Variants in NDUFA9 observed in about 807,000 individuals in gnomAD.
NDUFA9 encodes the protein NADH:ubiquinone oxidoreductase subunit A9, also known as NADH dehydrogenase [ubiquinone] 1 alpha subcomplex subunit 9, mitochondrial.
Under a neutral mutation model 45.9 loss-of-function variants are expected in NDUFA9, and 23 were observed. That is an observed-to-expected ratio of 0.50 (90% CI 0.36 to 0.71). NDUFA9 has a LOEUF of 0.71. NDUFA9 is among the 30% of genes least tolerant of loss of function. The probability of loss-of-function intolerance (pLI) is 0.00; values close to 1 mark genes in which losing one functional copy is unlikely to be tolerated. For missense variants in NDUFA9, 466 were observed against 488.2 expected, an observed-to-expected ratio of 0.95 and a Z score of 0.43; for synonymous variants, 176 against 170.5, an observed-to-expected ratio of 1.03 and a Z score of -0.25.
Position 4,662,580 on chromosome 12 carries a change from C to T in NDUFA9, c.600C>T (p.Ile200=), listed in dbSNP as rs771652214. 2.0e-5 allele frequency: 32 copies of T among 1,613,818 alleles called. No homozygotes were observed. The highest frequency in any genetic ancestry group is 3.3e-5 in the South Asian group (3 of 91,070). Residue 200 remains isoleucine (I), a synonymous_variant, in exon 6 of 11, where the codon ATC becomes ATT. Transcript: ENST00000266544. ...GAGATGCATTTCCGGAAGCCATTATCGTAAAGCCGTCGGACATCTTTGGAA... is the reference window on the plus strand; with the variant it reads ...GAGATGCATTTCCGGAAGCCATTATTGTAAAGCCGTCGGACATCTTTGGAA... ...VVRDAFPEAI[I]VKPSDIFGRE...
At chr12:4,656,479 G>T (rs984160996) in intron 3 of NDUFA9, among the ~76,000 whole-genome samples, 1 of 152,214 alleles carries the variant, frequency 6.6e-6, no homozygotes, top group African/African-American at 2.4e-5. Context: ...CTCTGAGCAC[G>T]TTTGGATGAC....
chr12:4,675,863 A>T (rs1945916641), intron 8 of NDUFA9, among the ~76,000 whole-genome samples: 2 of 152,182 alleles, frequency 1.3e-5, no homozygotes, highest in African/African-American at 4.8e-5. Context: ...AAAAAAAGAA[A>T]ATTTCAGGCC....
intron 8 of NDUFA9, among the ~76,000 whole-genome samples, chr12:4,670,244 C>T (rs77027374): frequency 0.011 from 1,702 of 152,148 alleles, 40 homozygotes; most frequent in African/African-American, 0.038. Flanking sequence ...TAGTGCTGTG[C>T]GAGATTGATT....
intron 9 of NDUFA9, among the ~76,000 whole-genome samples, chr12:4,684,397 G>T (rs1945971570): frequency 6.6e-6 from 1 of 152,132 alleles, no homozygotes; most frequent in Non-Finnish European, 1.5e-5. Flanking sequence ...GATACTCAAC[G>T]CATGTACTCC....
chr12:4,666,824 T>C (rs1028599431), intron 6 of NDUFA9, among the ~76,000 whole-genome samples: 1 of 152,342 alleles, frequency 6.6e-6, no homozygotes, highest in African/African-American at 2.4e-5. Context: ...AAAAATTTGT[T>C]CTTTTTCAAG....
At chr12:4,653,687 G>C (rs1945772444) in intron 1 of NDUFA9, 4 of 398,624 alleles carry the variant, frequency 1.0e-5, no homozygotes, top group South Asian at 7.4e-5. Context: ...TAGTAAGTCT[G>C]AACTATTGAA....
At chr12:4,660,611 G>A (rs1945817726) in intron 5 of NDUFA9, among the ~76,000 whole-genome samples, 1 of 151,974 alleles carries the variant, frequency 6.6e-6, no homozygotes, top group African/African-American at 2.4e-5. Context: ...AGAGAAGGAG[G>A]CACCTGCAGA....
At position 4,694,168 on chromosome 12, in the gene NDUFA9, A is replaced by G. The variant is rs981937778; in HGVS notation, c.*7060A>G. 3.3e-5 allele frequency: 5 copies of G among 152,200 alleles called. No individual in the cohort carries two copies. The highest frequency in any genetic ancestry group is 7.3e-5 in the Non-Finnish European group (5 of 68,046). 9.4% of individuals were successfully genotyped at this position (152,200 alleles called of 1,614,324 possible). A position where few individuals can be genotyped will look rare whatever the true frequency, so the allele number is the denominator to read the frequency against. ...ATAATTCTTGTCTATAGACGTGTAC[A>G]TTGTGTCTTAGCGTAGATTCACCCG... On this transcript the variant is annotated 3_prime_UTR_variant, in exon 11 of 11. Transcript: ENST00000266544.
At chr12:4,669,282 A>G (rs960488091) in intron 7 of NDUFA9, among the ~76,000 whole-genome samples, 2 of 152,182 alleles carry the variant, frequency 1.3e-5, no homozygotes, top group Non-Finnish European at 2.9e-5. Context: ...TATTACTATT[A>G]CTGTTTTTGA....
At chr12:4,665,792 TA>T (rs1488169596) in intron 6 of NDUFA9, among the ~76,000 whole-genome samples, 1 of 151,312 alleles carries the variant, frequency 6.6e-6, no homozygotes, top group Non-Finnish European at 1.5e-5. Context: ...TCTAAGGTGG[TA>T]TTTCATTGTG....
At chr12:4,662,699 G>A in intron 6 of NDUFA9, 64 bp downstream of exon 6, 1 of 1,312,198 alleles carries the variant, frequency 7.6e-7, no homozygotes, top group Non-Finnish European at 1.1e-6. Context: ...AGCTGCTCAA[G>A]CTAACAGTTT....
chr12:4,651,025 A>G (rs959250266), intron 1 of NDUFA9, among the ~76,000 whole-genome samples: 4 of 152,192 alleles, frequency 2.6e-5, no homozygotes, highest in Admixed American at 6.5e-5. Flanking sequence ...ATTGCTTTCT[A>G]TAGTAATAAT....
chr12:4,662,549 T>C lies in NDUFA9; in HGVS notation c.569T>C (p.Val190Ala). ...ATTGTTTAGGCTGTTGGAGAGAAAG[T>C]AGTGAGAGATGCATTTCCGGAAGCC... ...YLRNKAVGEK[V>A]VRDAFPEAII... The change falls in exon 6 of 11, where the codon GTA becomes GCA. Residue 190 changes from valine to alanine, a missense_variant. Physicochemically the swap from Val to Ala is moderately conservative, Grantham distance 64. Transcript: ENST00000266544. 1 of 1,613,740 alleles carries C rather than the reference T, an allele frequency of 6.2e-7. No individual in the cohort carries two copies. The highest frequency in any genetic ancestry group is 8.5e-7 in the Non-Finnish European group (1 of 1,179,726).
intron 1 of NDUFA9, among the ~76,000 whole-genome samples, chr12:4,650,565 A>G (rs1164428651): frequency 6.6e-6 from 1 of 152,206 alleles, no homozygotes; most frequent in African/African-American, 2.4e-5. Flanking sequence ...TTTTGAGTAA[A>G]TTCTGTAGAG....
chr12:4,677,500 T>G (rs1945927138), intron 8 of NDUFA9, among the ~76,000 whole-genome samples: 1 of 152,202 alleles, frequency 6.6e-6, no homozygotes, highest in South Asian at 2.1e-4. Flanking sequence ...GAGCAGACAC[T>G]TCTCAAAAGA....
chr12:4,659,634 A>C (rs4147685), intron 5 of NDUFA9, among the ~76,000 whole-genome samples: 42,671 of 152,046 alleles, frequency 0.28, 6,165 homozygotes, highest in Middle Eastern at 0.39. Flanking sequence ...ATGCCTATTC[A>C]CACAGTGCTT....
At chr12:4,675,412 G>A (rs1359019416) in intron 8 of NDUFA9, among the ~76,000 whole-genome samples, 1 of 151,876 alleles carries the variant, frequency 6.6e-6, no homozygotes, top group Non-Finnish European at 1.5e-5. Flanking sequence ...TAGACTGCTA[G>A]CCAGACTAAT....
chr12:4,666,206 G>A (rs1386895351), intron 6 of NDUFA9, among the ~76,000 whole-genome samples: 1 of 152,118 alleles, frequency 6.6e-6, no homozygotes, highest in Non-Finnish European at 1.5e-5. Flanking sequence ...GTCTGTTCAT[G>A]TCCTTGGCTA....
Position 4,689,537 on chromosome 12 carries a change from C to T in NDUFA9, c.*2429C>T, listed in dbSNP as rs1219640838. 6.0e-6 allele frequency: 1 copy of T among 166,228 alleles called. No homozygotes were observed. Among genetic ancestry groups the T allele is most frequent in the Non-Finnish European group, 1.3e-5 (1 of 78,706 alleles). The allele number at this position is 166,228 out of a possible 1,614,324, so 10.3% of individuals were successfully genotyped here. On this transcript the variant is annotated 3_prime_UTR_variant, in exon 11 of 11. Transcript: ENST00000266544. ...ATGCTGCCTTCAAGCATCTGTTTAA[C>T]AAAGTACATCTTGCACCGCCCTTAA...
Sources: allele counts gnomAD v4.1 joint callset (sites outside exome capture counted in the v4.1 genomes callset), GRCh38; gene constraint gnomAD v4.1.1; transcripts MANE v1.5; gene names NCBI Gene and HGNC (gene_info 2026-07-23, HGNC 2026-07-21).